MARK4: variants seen among roughly 807,000 people sequenced by gnomAD.
MARK4 encodes microtubule affinity regulating kinase 4, also known as MAP/microtubule affinity-regulating kinase 4.
MARK4 carries 19 observed loss-of-function variants against 81.5 expected under a neutral mutation model. The observed-to-expected ratio is 0.23, with a 90% CI of 0.16 to 0.34. MARK4 has a LOEUF of 0.34. Ranked by LOEUF, MARK4 falls within the 10% of genes least tolerant of loss-of-function variation. The pLI is 1.00. For synonymous variants in MARK4, 436 were observed against 439.0 expected, an observed-to-expected ratio of 0.99 and a Z score of 0.08; for missense variants, 772 against 1,058.8, an observed-to-expected ratio of 0.73 and a Z score of 3.76.
intron 1 of MARK4, among the ~76,000 whole-genome samples, chr19:45,254,211 G>A (rs1378997181): frequency 2.6e-5 from 4 of 152,148 alleles, no homozygotes; most frequent in African/African-American, 7.2e-5. Context: ...GGCGCCAGCC[G>A]GGCGGGAGGG....
In MARK4 at chr19:45,302,728, G is replaced by T; in HGVS notation, c.*18G>T. 6.5e-7 allele frequency: 1 copy of T among 1,535,712 alleles called. No individual in the cohort carries two copies. Among genetic ancestry groups the T allele is most frequent in the Non-Finnish European group, 8.7e-7 (1 of 1,146,654 alleles). On this transcript the variant is annotated 3_prime_UTR_variant, in exon 17 of 17. Coordinates refer to ENST00000262891, the MANE Select transcript of MARK4 (RefSeq NM_001199867.2). The surrounding 1 kb of genome is among the most constrained non-coding windows in gnomAD (Gnocchi z 4.9). ...AGCTCTGAGCCACCACGGTCCCAGG[G>T]CCCTTACTCTTCCTCTCCCTTGTCG...
intron 4 of MARK4, among the ~76,000 whole-genome samples, chr19:45,263,581 A>G (rs750201226): frequency 3.9e-5 from 6 of 151,996 alleles, no homozygotes; most frequent in Admixed American, 6.6e-5. Context: ...GTCTCTACTG[A>G]AAATACAAAA....
chr19:45,287,681 G>C lies in MARK4; in HGVS notation c.1494+17G>C, dbSNP rs750441925. 50 of 1,600,102 alleles carry C rather than the reference G, an allele frequency of 3.1e-5. No homozygotes were observed. The East Asian group carries it at 1.1e-3, about 34-fold the overall frequency. ...AGCACCCCCGTGAGTGACCAGGGCT[G>C]GGGGGCAGGGCTGGGGGCGCCACCT... is the stretch of plus-strand genomic sequence containing the variant. On this transcript the variant is annotated intron_variant, in intron 13 of 16. Coordinates refer to ENST00000262891, the MANE Select transcript of MARK4 (RefSeq NM_001199867.2).
At chr19:45,273,227 C>T (rs1970553866) in intron 8 of MARK4, among the ~76,000 whole-genome samples, 1 of 151,870 alleles carries the variant, frequency 6.6e-6, no homozygotes, top group African/African-American at 2.4e-5. Context: ...TGGTATGTTT[C>T]AGGAGCTTCA....
chr19:45,295,372 C>T (rs1970873407), intron 14 of MARK4, among the ~76,000 whole-genome samples: 1 of 151,602 alleles, frequency 6.6e-6, no homozygotes, highest in Non-Finnish European at 1.5e-5. Context: ...AAAAAAAAGT[C>T]ACGATTCTGT....
At chr19:45,252,531 C>T (rs967456941) in intron 1 of MARK4, among the ~76,000 whole-genome samples, 1 of 151,872 alleles carries the variant, frequency 6.6e-6, no homozygotes, top group Non-Finnish European at 1.5e-5. Flanking sequence ...AACTCAGACC[C>T]CTTCCCCACA....
At chr19:45,277,774 C>T in intron 8 of MARK4, 149 bp from the exon 9 acceptor site, 1 of 905,212 alleles carries the variant, frequency 1.1e-6, no homozygotes, top group African/African-American at 1.7e-5. Context: ...TCGTCAAGGA[C>T]TGGGACTCAG....
rs755995903 is a variant in MARK4 at position 45,302,342 on chromosome 19, C to T, written c.1923-32C>T. 6.2e-7 allele frequency: 1 copy of T among 1,613,876 alleles called. No individual in the cohort carries two copies. The highest frequency in any genetic ancestry group is 1.1e-5 in the South Asian group (1 of 91,054). On this transcript the variant is annotated intron_variant, in intron 16 of 16. Transcript: ENST00000262891. The surrounding 1 kb of genome is among the most constrained non-coding windows in gnomAD (Gnocchi z 4.9). ...CCTCCACCACATTCCTCTTCGCTCC[C>T]ATCTCTGACCCCTGACATCTTCTCG...
At chr19:45,277,585 G>C (rs796546399) in intron 8 of MARK4, among the ~76,000 whole-genome samples, 9 of 151,892 alleles carry the variant, frequency 5.9e-5, no homozygotes, top group African/African-American at 1.9e-4. Context: ...TTTTTGTAGA[G>C]ATGAGGTCTC....
At chr19:45,286,255 C>A (rs987893363) in intron 12 of MARK4, among the ~76,000 whole-genome samples, 1 of 151,824 alleles carries the variant, frequency 6.6e-6, no homozygotes, top group Non-Finnish European at 1.5e-5. Flanking sequence ...AGGGTTTTGC[C>A]ATGTTAGCCA....
chr19:45,267,371 T>C (rs1970470002), intron 7 of MARK4, among the ~76,000 whole-genome samples: 1 of 151,960 alleles, frequency 6.6e-6, no homozygotes, highest in Non-Finnish European at 1.5e-5. Flanking sequence ...AGAAGGGGCT[T>C]TGAGAGAAAA....
chr19:45,273,337 C>T (rs1365734777), intron 8 of MARK4, among the ~76,000 whole-genome samples: 2 of 152,170 alleles, frequency 1.3e-5, no homozygotes, highest in African/African-American at 4.8e-5. Context: ...CAGTTAGTTG[C>T]AGACGCTGTG....
chr19:45,294,306 T>C (rs1374455573), intron 13 of MARK4, 43 bp from the exon 14 acceptor site: 7 of 1,574,462 alleles, frequency 4.4e-6, no homozygotes, highest in Non-Finnish European at 5.2e-6. Context: ...CTCAGGGGCA[T>C]GTCTTCACCC....
chr19:45,297,035 T>G (rs1599804543), intron 14 of MARK4, among the ~76,000 whole-genome samples: 6 of 128,310 alleles, frequency 4.7e-5, no homozygotes, highest in Admixed American at 8.4e-5. Flanking sequence ...GGTGACAGAG[T>G]GAGACTCTGT....
rs1160826661 is a variant in MARK4, at chr19:45,280,415, G to C, written c.1048G>C (p.Glu350Gln). The change falls in exon 11 of 17, where the codon GAG (glutamate) becomes CAG (glutamine). Residue 350 changes from glutamate (E) to glutamine (Q), a missense_variant. Physicochemically the swap from Glu to Gln is conservative, Grantham distance 29 (BLOSUM62 2). This residue lies in a region of MARK4 where 548 missense variants were observed against 624.3 expected (regional missense o/e 0.88). Coordinates refer to ENST00000262891, the MANE Select transcript of MARK4 (RefSeq NM_001199867.2). ...GGGCTACACACGGGAAGAAATCAAA[G>C]AGTCCTTGACCAGCCAGAAGTACAA... ...GMGYTREEIK[E>Q]SLTSQKYNEV... 4 of 1,614,036 alleles carry C rather than the reference G, an allele frequency of 2.5e-6. No homozygotes were observed. The highest frequency in any genetic ancestry group is 3.4e-6 in the Non-Finnish European group (4 of 1,180,024).
intron 12 of MARK4, among the ~76,000 whole-genome samples, chr19:45,284,786 C>T (rs1242162066): frequency 1.3e-5 from 2 of 151,978 alleles, no homozygotes; most frequent in African/African-American, 4.8e-5. Context: ...AACCTCATCT[C>T]TACAGAAAAA....
At chr19:45,278,993 A>G (rs1168453605) in intron 10 of MARK4, among the ~76,000 whole-genome samples, 1 of 152,092 alleles carries the variant, frequency 6.6e-6, no homozygotes, top group Non-Finnish European at 1.5e-5. Flanking sequence ...TCGAGGTAGA[A>G]GAATCACTTG....
rs1971014273 is a variant in MARK4, at chr19:45,303,879, G to T, written c.*1169G>T. ...ATGGGGTGTTGAAGGATGAGTAGGA[G>T]TTAGTTAGGCATTGAGTTTGCCCTG... On this transcript the variant is annotated 3_prime_UTR_variant, in exon 17 of 17. Transcript: ENST00000262891. 6.6e-6 allele frequency: 1 copy of T among 152,230 alleles called. No individual in the cohort carries two copies. The highest frequency in any genetic ancestry group is 6.5e-5 in the Admixed American group (1 of 15,284). 9.4% of individuals were successfully genotyped at this position (152,230 alleles called of 1,614,324 possible). A position where few individuals can be genotyped will look rare whatever the true frequency, so the allele number is the denominator to read the frequency against.
At chr19:45,299,593 A>G (rs983353038) in intron 15 of MARK4, among the ~76,000 whole-genome samples, 3 of 151,894 alleles carry the variant, frequency 2.0e-5, no homozygotes, top group African/African-American at 7.3e-5. Flanking sequence ...TTCATCTTCC[A>G]CATTCTTCAG....
Sources: gnomAD v4.1 joint callset for allele counts (sites outside exome capture counted in the v4.1 genomes callset) on GRCh38, gnomAD v4.1.1 for gene constraint, gnomAD v4.1.1 regional missense constraint, Gnocchi (gnomAD v3.1) non-coding constraint, MANE v1.5 for transcripts, NCBI Gene and HGNC (gene_info 2026-07-23, HGNC 2026-07-21) for gene names.